The following COL4A3 variants were observed in gnomAD, a reference collection of about 807,000 sequenced individuals.
The protein encoded by COL4A3 is collagen type IV alpha 3 chain.
A neutral mutation model predicts 217.4 loss-of-function variants in COL4A3; 135 were observed. The observed-to-expected ratio is 0.62, with a 90% CI of 0.54 to 0.72. The LOEUF is 0.72. Among genes scored for constraint, COL4A3 ranks in the 30% least tolerant of loss-of-function variants. The pLI, the probability that COL4A3 is intolerant of heterozygous loss-of-function variation, is 0.00. For missense variants in COL4A3, 1,868 were observed against 2,119.9 expected, an observed-to-expected ratio of 0.88 and a Z score of 2.33; for synonymous variants, 690 against 736.3, an observed-to-expected ratio of 0.94 and a Z score of 1.02.
intron 34 of COL4A3, among the ~76,000 whole-genome samples, chr2:227,287,129 C>T (rs1297766470): frequency 6.6e-6 from 1 of 152,166 alleles, no homozygotes; most frequent in Admixed American, 6.5e-5. Flanking sequence ...TTGTTTTTAA[C>T]AACCTTTTAA....
At chr2:227,251,511 T>G (rs2069739984) in intron 11 of COL4A3, 140 bp downstream of exon 11, 1 of 740,582 alleles carries the variant, frequency 1.4e-6, no homozygotes. Flanking sequence ...AGAGCATGGC[T>G]AGCTGCTCTC....
In COL4A3 at chr2:227,311,960, C is replaced by A. The variant is rs1218642606; in HGVS notation, c.*90C>A. 1.9e-6 allele frequency: 3 copies of A among 1,562,690 alleles called. No individual in the cohort carries two copies. Among genetic ancestry groups the A allele is most frequent in the South Asian group, 2.3e-5 (2 of 86,014 alleles). On this transcript the variant is annotated 3_prime_UTR_variant, in exon 52 of 52. Transcript: ENST00000396578. ...TGTTATTTAGGTATTTTTCTTTAACCAAACAATATTGCTCCATGATGACTT... is the reference window on the plus strand; with the variant it reads ...TGTTATTTAGGTATTTTTCTTTAACAAAACAATATTGCTCCATGATGACTT...
At chr2:227,302,462 A>C (rs1191132496) in intron 43 of COL4A3, among the ~76,000 whole-genome samples, 1 of 152,092 alleles carries the variant, frequency 6.6e-6, no homozygotes, top group Non-Finnish European at 1.5e-5. Context: ...AGATCATTTG[A>C]GGTCAGGAGG....
chr2:227,223,031 C>T (rs2067897753), intron 1 of COL4A3, among the ~76,000 whole-genome samples: 2 of 152,182 alleles, frequency 1.3e-5, no homozygotes, highest in South Asian at 4.1e-4. Flanking sequence ...TTACAAATAA[C>T]TTCTGTTTTA....
At chr2:227,255,954 C>G in intron 15 of COL4A3, 72 bp from the exon 16 acceptor site, 1 of 1,474,048 alleles carries the variant, frequency 6.8e-7, no homozygotes, top group Non-Finnish European at 9.5e-7. Context: ...GATCATATCA[C>G]TTAAGATTTC....
intron 19 of COL4A3, chr2:227,260,083 A>G: frequency 1.4e-6 from 1 of 732,164 alleles, no homozygotes; most frequent in Non-Finnish European, 2.5e-6. Flanking sequence ...TAATTAAATT[A>G]TCTTTATGTA....
At chr2:227,270,155 A>G (rs1207233930) in intron 24 of COL4A3, among the ~76,000 whole-genome samples, 175 bp downstream of exon 24, 1 of 152,248 alleles carries the variant, frequency 6.6e-6, no homozygotes, top group African/African-American at 2.4e-5. Context: ...CAATGAATTT[A>G]TAAACAGTTT....
chr2:227,287,256 A>G (rs2072388201), intron 34 of COL4A3, among the ~76,000 whole-genome samples: 1 of 151,296 alleles, frequency 6.6e-6, no homozygotes, highest in Admixed American at 6.6e-5. Flanking sequence ...ACATAGTGAA[A>G]CCCCAACTCT....
intron 22 of COL4A3, 34 bp downstream of exon 22, chr2:227,266,543 G>A (rs1383949237): frequency 1.3e-6 from 2 of 1,514,056 alleles, no homozygotes; most frequent in African/African-American, 1.4e-5. Flanking sequence ...ATTAGGATAA[G>A]CCTTTTTCAT....
Position 227,272,932 on chromosome 2 carries a change from C to A in COL4A3, c.1759-17C>A. On this transcript the variant is annotated splice_polypyrimidine_tract_variant and intron_variant, in intron 25 of 51. Transcript: ENST00000396578. The stretch of plus-strand genomic sequence containing the variant: ...ACTGGAATGAAGCACGATTCAAACA[C>A]ATTCCTGTTGTCACAGGCTCTGAGT... The A allele has an allele frequency of 6.2e-7, 1 of 1,613,486 alleles. No homozygotes were observed. Among genetic ancestry groups the A allele is most frequent in the South Asian group, 1.1e-5 (1 of 91,048 alleles).
Position 227,248,446 on chromosome 2 carries a change from G to A in COL4A3, c.472G>A (p.Ala158Thr). Residue 158 changes from alanine to threonine, a missense_variant, in exon 9 of 52, where the codon GCT becomes ACT. Ala to Thr is a moderately conservative substitution (Grantham distance 58). Transcript: ENST00000396578. ...GATGAACTTCTTCATTTTCAAGGGT[G>A]CTCCTGCTAAAGAAGAAGATATAGA... ...GAAGLKGQKG[A>T]PAKEEDIELD... 6.2e-7 allele frequency: 1 copy of A among 1,605,940 alleles called. No individual in the cohort carries two copies. The highest frequency in any genetic ancestry group is 8.5e-7 in the Non-Finnish European group (1 of 1,172,646).
chr2:227,260,560 G>GA (rs57569440), intron 19 of COL4A3, among the ~76,000 whole-genome samples: 81,581 of 151,894 alleles, frequency 0.54, 21,955 homozygotes, highest in South Asian at 0.64. Context: ...GATTTCAAAG[G>GA]AAATTCTACT....
chr2:227,202,054 C>T (rs1423908424), intron 1 of COL4A3, among the ~76,000 whole-genome samples: 1 of 152,200 alleles, frequency 6.6e-6, no homozygotes. Context: ...TTTGATTTCA[C>T]GATTGGTTAG....
At chr2:227,280,186 C>T (rs2071865573) in intron 29 of COL4A3, among the ~76,000 whole-genome samples, 1 of 152,094 alleles carries the variant, frequency 6.6e-6, no homozygotes, top group African/African-American at 2.4e-5. Context: ...ATAAGAAAAA[C>T]TATCAAAAGT....
At chr2:227,275,831 T>C (rs188941636) in intron 26 of COL4A3, among the ~76,000 whole-genome samples, 18 of 152,268 alleles carry the variant, frequency 1.2e-4, no homozygotes, top group Admixed American at 3.9e-4. Flanking sequence ...ACCCAATAAA[T>C]AAGTATCCTA....
intron 1 of COL4A3, among the ~76,000 whole-genome samples, chr2:227,223,492 G>T (rs1449724815): frequency 3.3e-5 from 5 of 152,106 alleles, no homozygotes; most frequent in African/African-American, 1.2e-4. Flanking sequence ...CCAGCACTTC[G>T]GGAGGCTGAG....
At chr2:227,270,725 A>C in intron 24 of COL4A3, 45 bp from the exon 25 acceptor site, 2 of 1,587,068 alleles carry the variant, frequency 1.3e-6, no homozygotes. Context: ...ACAGAAGAAG[A>C]ATTCTAACAA....
At chr2:227,233,150 G>C (rs1198230642) in intron 1 of COL4A3, among the ~76,000 whole-genome samples, 3 of 151,986 alleles carry the variant, frequency 2.0e-5, no homozygotes, top group African/African-American at 7.3e-5. Context: ...AGTAGCTGAG[G>C]TTACAGGCAT....
intron 1 of COL4A3, among the ~76,000 whole-genome samples, chr2:227,167,387 C>A (rs975146592): frequency 1.3e-5 from 2 of 152,226 alleles, no homozygotes; most frequent in African/African-American, 4.8e-5. Flanking sequence ...CAGTTCCAGG[C>A]TGGCTGCCCA....
Sources: gnomAD v4.1 joint callset for allele counts (sites outside exome capture counted in the v4.1 genomes callset) on GRCh38, gnomAD v4.1.1 for gene constraint, MANE v1.5 for transcripts, NCBI Gene and HGNC (gene_info 2026-07-23, HGNC 2026-07-21) for gene names.